Variants in ACYP2 observed in about 807,000 individuals in gnomAD.
ACYP2 encodes the protein acylphosphatase 2.
ACYP2 carries 12 observed loss-of-function variants against 11.2 expected under a neutral mutation model. That is an observed-to-expected ratio of 1.08 (90% confidence interval 0.69 to 1.74). The LOEUF is 1.74. ACYP2 is among the 40% of genes most tolerant of loss of function. The pLI is 0.00. For synonymous variants in ACYP2, 43 were observed against 32.2 expected, an observed-to-expected ratio of 1.33 and a Z score of -1.13; for missense variants, 134 against 101.9, an observed-to-expected ratio of 1.31 and a Z score of -1.35.
At chr2:54,282,605 T>C (rs1287069777) in intron 6 of ACYP2, among the ~76,000 whole-genome samples, 2 of 152,238 alleles carry the variant, frequency 1.3e-5, no homozygotes, top group Non-Finnish European at 2.9e-5. Context: ...GTTTTTGTTC[T>C]ATTGCTTGCT....
At chr2:53,985,353 C>T (rs1026725666) in intron 2 of ACYP2, among the ~76,000 whole-genome samples, 2 of 152,058 alleles carry the variant, frequency 1.3e-5, no homozygotes, top group African/African-American at 4.8e-5. Context: ...AGGTGTGAGC[C>T]GCTGCACCTG....
intron 6 of ACYP2, among the ~76,000 whole-genome samples, chr2:54,211,892 T>C (rs953738746): frequency 2.0e-5 from 3 of 152,200 alleles, no homozygotes; most frequent in African/African-American, 7.2e-5. Context: ...TGCCAGGAAC[T>C]CTGCTTTCTT....
intron 3 of ACYP2, among the ~76,000 whole-genome samples, chr2:54,053,264 A>G (rs1248037347): frequency 6.6e-6 from 1 of 151,984 alleles, no homozygotes; most frequent in Non-Finnish European, 1.5e-5. Flanking sequence ...CTGCATAGGC[A>G]TGCTGGGGGC....
At chr2:54,092,202 G>A (rs1433824853) in intron 4 of ACYP2, among the ~76,000 whole-genome samples, 1 of 152,152 alleles carries the variant, frequency 6.6e-6, no homozygotes, top group Non-Finnish European at 1.5e-5. Flanking sequence ...CAGTGCTGGG[G>A]AACAATGGAA....
chr2:54,043,531 C>A (rs1044997186), intron 2 of ACYP2, among the ~76,000 whole-genome samples: 3 of 152,184 alleles, frequency 2.0e-5, no homozygotes, highest in Non-Finnish European at 4.4e-5. Flanking sequence ...ATAATTATTT[C>A]AACTTAGACC....
intron 6 of ACYP2, among the ~76,000 whole-genome samples, chr2:54,282,347 C>A (rs1688884720): frequency 6.6e-6 from 1 of 152,182 alleles, no homozygotes; most frequent in African/African-American, 2.4e-5. Context: ...TTAACATTTT[C>A]AGACAATTTC....
chr2:54,250,648 C>T (rs971504664), intron 6 of ACYP2, among the ~76,000 whole-genome samples: 12 of 152,128 alleles, frequency 7.9e-5, no homozygotes, highest in African/African-American at 2.4e-4. Context: ...GTTTCAAAGG[C>T]GGTAAGTTAA....
intron 4 of ACYP2, among the ~76,000 whole-genome samples, chr2:54,092,300 T>C (rs1678277636): frequency 6.6e-6 from 1 of 152,038 alleles, no homozygotes; most frequent in African/African-American, 2.4e-5. Flanking sequence ...GCAGGAAAAA[T>C]GGATCCTGAT....
chr2:53,971,676 G>T (rs539433391), intron 1 of ACYP2, among the ~76,000 whole-genome samples: 68 of 152,314 alleles, frequency 4.5e-4, no homozygotes, highest in African/African-American at 1.6e-3. Flanking sequence ...TTAATTGCTA[G>T]ATAAGTACAA....
intron 6 of ACYP2, among the ~76,000 whole-genome samples, chr2:54,174,462 A>G (rs2103855777): frequency 6.6e-6 from 1 of 152,294 alleles, no homozygotes; most frequent in Non-Finnish European, 1.5e-5. Context: ...TAATCATGTC[A>G]TCTGCAAATA....
At chr2:54,284,174 A>C (rs1688976091) in intron 6 of ACYP2, among the ~76,000 whole-genome samples, 1 of 152,238 alleles carries the variant, frequency 6.6e-6, no homozygotes, top group Admixed American at 6.5e-5. Flanking sequence ...TCATATAATT[A>C]AAAGCCAAAG....
intron 4 of ACYP2, among the ~76,000 whole-genome samples, chr2:54,088,200 A>G (rs987439720): frequency 2.0e-5 from 3 of 152,126 alleles, no homozygotes; most frequent in Non-Finnish European, 4.4e-5. Context: ...TATTCCAGAG[A>G]GTGTTAGGGC....
At chr2:54,204,240 G>A (rs1014629224) in intron 6 of ACYP2, among the ~76,000 whole-genome samples, 5 of 151,248 alleles carry the variant, frequency 3.3e-5, no homozygotes, top group East Asian at 3.9e-4. Flanking sequence ...CTCATGTTCC[G>A]CCCACCTCGG....
intron 6 of ACYP2, among the ~76,000 whole-genome samples, chr2:54,228,074 C>G (rs1686084292): frequency 6.6e-6 from 1 of 152,174 alleles, no homozygotes; most frequent in East Asian, 1.9e-4. Context: ...TAGCCCTTTT[C>G]TCTTTGAAAG....
chr2:54,032,756 A>G (rs1478634386), intron 2 of ACYP2, among the ~76,000 whole-genome samples: 1 of 152,214 alleles, frequency 6.6e-6, no homozygotes, highest in Non-Finnish European at 1.5e-5. Context: ...TAGGAATCCA[A>G]CTTATGAGGG....
intron 4 of ACYP2, among the ~76,000 whole-genome samples, chr2:54,083,032 C>T (rs1677748777): frequency 6.6e-6 from 1 of 151,494 alleles, no homozygotes; most frequent in South Asian, 2.1e-4. Flanking sequence ...CAAGATCATG[C>T]CACTGCACTC....
At chr2:54,143,774 A>G (rs372868914) in intron 6 of ACYP2, among the ~76,000 whole-genome samples, 1 of 58,330 alleles carries the variant, frequency 1.7e-5, no homozygotes, top group Non-Finnish European at 3.4e-5. Context: ...GGGGTATTCT[A>G]TCATGTTTTG....
chr2:53,994,437 T>A (rs1672462984), intron 2 of ACYP2, among the ~76,000 whole-genome samples: 2 of 148,982 alleles, frequency 1.3e-5, no homozygotes, highest in African/African-American at 5.0e-5. Flanking sequence ...GAGAATCACT[T>A]GAACCCAGGA....
At chr2:53,992,659 C>T (rs771400671) in intron 2 of ACYP2, among the ~76,000 whole-genome samples, 8 of 149,952 alleles carry the variant, frequency 5.3e-5, no homozygotes, top group East Asian at 2.0e-4. Context: ...GGTGAAACCC[C>T]GTCTCTACTA....
Sources: allele counts gnomAD v4.1 joint callset (sites outside exome capture counted in the v4.1 genomes callset), GRCh38; gene constraint gnomAD v4.1.1; transcripts MANE v1.5; gene names NCBI Gene and HGNC (gene_info 2026-07-23, HGNC 2026-07-21).